Variants in VAT1L observed in about 807,000 individuals in gnomAD.
The protein encoded by VAT1L is putative NADPH-dependent quinone oxidoreductase VAT1L.
In VAT1L, 34 loss-of-function variants were observed where a neutral mutation model predicts 44.1. The ratio of observed to expected loss-of-function variants is 0.77; its 90% CI spans 0.59 to 1.03. VAT1L has a LOEUF of 1.03. VAT1L is among the 50% of genes least tolerant of loss of function. The pLI, the probability that VAT1L is intolerant of heterozygous loss-of-function variation, is 0.00. For missense variants in VAT1L, 615 were observed against 538.8 expected (o/e 1.14, Z -1.40); for synonymous variants, 253 against 202.2 (o/e 1.25, Z -2.13).
At chr16:77,873,999 G>A (rs561914028) in intron 4 of VAT1L, among the ~76,000 whole-genome samples, 2 of 152,078 alleles carry the variant, frequency 1.3e-5, no homozygotes, top group South Asian at 2.1e-4. Flanking sequence ...AGAGTCCAGC[G>A]GACAGAGCAA....
At chr16:77,953,959 A>T (rs931914327) in intron 7 of VAT1L, among the ~76,000 whole-genome samples, 3 of 152,082 alleles carry the variant, frequency 2.0e-5, no homozygotes, top group African/African-American at 7.2e-5. Context: ...GATCTGGCTC[A>T]TTAGACCATG....
chr16:77,929,507 G>C (rs957296529), intron 7 of VAT1L, among the ~76,000 whole-genome samples: 3 of 152,112 alleles, frequency 2.0e-5, no homozygotes, highest in Non-Finnish European at 4.4e-5. Context: ...GTATTCCAGA[G>C]AACATTTAAA....
rs547383124 is a variant in VAT1L, at chr16:77,888,651, C to T, written c.1077+3849C>T. Among the ~76,000 whole-genome samples, 62 of 152,336 alleles carry T rather than the reference C, an allele frequency of 4.1e-4. 1 individual carries two copies. Among genetic ancestry groups the T allele is most frequent in the African/African-American group, 1.4e-3 (60 of 41,572 alleles). On this transcript the variant is annotated intron_variant, in intron 7 of 8. Coordinates refer to ENST00000302536, the MANE Select transcript of VAT1L (RefSeq NM_020927.3). ...TGCTGGGTAGGGAGGGACTGCCCTG[C>T]GCACTGTAGAATGGTGAGCAGCATC...
At chr16:77,869,036 G>A (rs1370605545) in intron 4 of VAT1L, among the ~76,000 whole-genome samples, 1 of 152,054 alleles carries the variant, frequency 6.6e-6, no homozygotes, top group Non-Finnish European at 1.5e-5. Flanking sequence ...AAGCAGTTAA[G>A]CACTGTTCAG....
chr16:77,885,144 T>G (rs1033602377), intron 7 of VAT1L, among the ~76,000 whole-genome samples: 7 of 152,168 alleles, frequency 4.6e-5, no homozygotes, highest in African/African-American at 1.7e-4. Flanking sequence ...TGTGAGTACA[T>G]AAGAGATCAG....
At chr16:77,809,657 C>A (rs1408150658) in intron 1 of VAT1L, among the ~76,000 whole-genome samples, 1 of 152,232 alleles carries the variant, frequency 6.6e-6, no homozygotes, top group Non-Finnish European at 1.5e-5. Context: ...CTCATCCCCT[C>A]TTCTCAGCAA....
At chr16:77,808,303 T>G (rs941881621) in intron 1 of VAT1L, among the ~76,000 whole-genome samples, 4 of 152,104 alleles carry the variant, frequency 2.6e-5, no homozygotes, top group Admixed American at 1.3e-4. Context: ...CTATCTCCTG[T>G]CACCCCCAGA....
At chr16:77,880,837 G>C (rs1215126679) in intron 6 of VAT1L, among the ~76,000 whole-genome samples, 1 of 151,984 alleles carries the variant, frequency 6.6e-6, no homozygotes, top group African/African-American at 2.4e-5. Flanking sequence ...ACTTAGGAGA[G>C]AACATGCAGT....
intron 1 of VAT1L, among the ~76,000 whole-genome samples, chr16:77,803,028 C>T (rs2016092241): frequency 6.6e-6 from 1 of 152,140 alleles, no homozygotes. Flanking sequence ...AGGTATTTTC[C>T]TACTTACACC....
rs1204110787 is a variant in VAT1L at position 77,884,946 on chromosome 16, CA to C, written c.1077+145del. The stretch of plus-strand genomic sequence containing the variant: ...AGGGTCCTAAAAGTCACCTGTACCA[CA>C]GAATAGTACTTTGGATATAAGAAAT... On this transcript the variant is annotated intron_variant, in intron 7 of 8. Coordinates refer to ENST00000302536, the MANE Select transcript of VAT1L (RefSeq NM_020927.3). The surrounding 1 kb of genome is among the most constrained non-coding windows in gnomAD (Gnocchi z 4.5). The C allele has an allele frequency of 3.8e-6, 3 of 798,078 alleles. No individual in the cohort carries two copies. In the East Asian group the frequency reaches 9.5e-5, roughly 25 times the overall value. 49.4% of individuals were successfully genotyped at this position (798,078 alleles called of 1,614,324 possible).
intron 1 of VAT1L, among the ~76,000 whole-genome samples, chr16:77,812,538 G>A (rs1276377438): frequency 6.6e-6 from 1 of 152,178 alleles, no homozygotes; most frequent in East Asian, 1.9e-4. Flanking sequence ...TAACAAGTCA[G>A]TTTTCTTATC....
intron 7 of VAT1L, among the ~76,000 whole-genome samples, 184 bp from the exon 8 acceptor site, chr16:77,971,664 AGT>A: frequency 6.6e-6 from 1 of 152,286 alleles, no homozygotes; most frequent in Admixed American, 6.5e-5. Flanking sequence ...GCACAAGATC[AGT>A]GTGTGTGAAT....
At chr16:77,947,045 C>A (rs1318972000) in intron 7 of VAT1L, among the ~76,000 whole-genome samples, 1 of 152,184 alleles carries the variant, frequency 6.6e-6, no homozygotes, top group Admixed American at 6.5e-5. Context: ...TATTCCTTGC[C>A]ACTTAGAGGA....
chr16:77,925,800 C>G (rs1248246925), intron 7 of VAT1L, among the ~76,000 whole-genome samples: 1 of 152,008 alleles, frequency 6.6e-6, no homozygotes, highest in African/African-American at 2.4e-5. Flanking sequence ...ATCTACCAAA[C>G]AACATAAAAA....
intron 4 of VAT1L, among the ~76,000 whole-genome samples, chr16:77,869,198 T>A (rs546465087): frequency 9.9e-5 from 15 of 152,210 alleles, no homozygotes; most frequent in African/African-American, 3.6e-4. Flanking sequence ...GAATGACCTA[T>A]GACTAGGGAA....
chr16:77,963,243 G>C (rs1597123616), intron 7 of VAT1L, among the ~76,000 whole-genome samples: 1 of 152,164 alleles, frequency 6.6e-6, no homozygotes, highest in East Asian at 1.9e-4. Context: ...TTGCCGATGA[G>C]ATTAAGTTAG....
At chr16:77,864,441 C>CA (rs1491404800) in intron 4 of VAT1L, among the ~76,000 whole-genome samples, 2 of 149,048 alleles carry the variant, frequency 1.3e-5, no homozygotes, top group South Asian at 4.2e-4. Flanking sequence ...TGTGCCCCCC[C>CA]ACAAAAATAC....
At chr16:77,848,779 T>G (rs901698115) in intron 3 of VAT1L, among the ~76,000 whole-genome samples, 1 of 152,142 alleles carries the variant, frequency 6.6e-6, no homozygotes, top group African/African-American at 2.4e-5. Flanking sequence ...AGCAAAAACT[T>G]GGAACCCACC....
intron 1 of VAT1L, among the ~76,000 whole-genome samples, chr16:77,803,589 T>G (rs1431678099): frequency 6.6e-6 from 1 of 151,828 alleles, no homozygotes; most frequent in African/African-American, 2.4e-5. Flanking sequence ...CCGGCTAATT[T>G]TTTGTATTTT....
Sources: allele counts gnomAD v4.1 joint callset (sites outside exome capture counted in the v4.1 genomes callset), GRCh38; gene constraint gnomAD v4.1.1; non-coding constraint Gnocchi (gnomAD v3.1); transcripts MANE v1.5; gene names NCBI Gene and HGNC (gene_info 2026-07-23, HGNC 2026-07-21).